Variants in DSCAM observed in about 807,000 individuals in gnomAD.
DSCAM encodes DS cell adhesion molecule.
DSCAM carries 47 observed loss-of-function variants against 217.7 expected under a neutral mutation model. That is an observed-to-expected ratio of 0.22 (90% confidence interval 0.17 to 0.28). The LOEUF (loss-of-function observed/expected upper bound fraction) is 0.28. Among genes scored for constraint, DSCAM ranks in the 10% least tolerant of loss-of-function variants. DSCAM has a pLI of 1.00. For missense variants in DSCAM, 2,080 were observed against 2,618.3 expected (o/e 0.79, Z 4.49); for synonymous variants, 1,056 against 1,015.3 (o/e 1.04, Z -0.76).
At chr21:40,221,362 TATA>T (rs753439425) in intron 11 of DSCAM, among the ~76,000 whole-genome samples, 1 of 150,664 alleles carries the variant, frequency 6.6e-6, no homozygotes, top group African/African-American at 2.4e-5. Flanking sequence ...TATTTATATG[TATA>T]ATAATGTGTA....
At chr21:40,803,406 A>T (rs1205600617) in intron 1 of DSCAM, among the ~76,000 whole-genome samples, 1 of 152,182 alleles carries the variant, frequency 6.6e-6, no homozygotes, top group African/African-American at 2.4e-5. Flanking sequence ...GGGAAGGACC[A>T]CTAAAGCCAC....
chr21:40,241,501 T>C lies in DSCAM; in HGVS notation c.2356+34596A>G, dbSNP rs186616245. 3.3e-3 allele frequency among the ~76,000 whole-genome samples: 506 copies of C among 152,160 alleles called. 1 individual carries two copies. The highest frequency in any genetic ancestry group is 0.011 in the African/African-American group (467 of 41,514). ...GTCTAAAAAAAATAACAGGTGCCGG[T>C]AAGGTTGCAGAGAAAACTGAACATT... is the stretch of plus-strand genomic sequence containing the variant. On this transcript the variant is annotated intron_variant, in intron 11 of 32. Transcript: ENST00000400454.
intron 3 of DSCAM, among the ~76,000 whole-genome samples, chr21:40,491,132 A>C (rs1054463848): frequency 1.3e-5 from 2 of 152,206 alleles, no homozygotes; most frequent in East Asian, 1.9e-4. Context: ...AGAGTCTAAA[A>C]TTAATTTAAT....
chr21:40,574,973 T>A (rs1215558896), intron 3 of DSCAM, among the ~76,000 whole-genome samples: 3 of 152,142 alleles, frequency 2.0e-5, no homozygotes, highest in Non-Finnish European at 4.4e-5. Flanking sequence ...TTGTCAGGCC[T>A]CTGAGCCCAA....
At chr21:40,733,164 A>C (rs1028848152) in intron 1 of DSCAM, among the ~76,000 whole-genome samples, 1 of 152,158 alleles carries the variant, frequency 6.6e-6, no homozygotes, top group East Asian at 1.9e-4. Flanking sequence ...TAGTTGCTGC[A>C]CTCGTAAATA....
At chr21:40,044,034 C>A in intron 31 of DSCAM, 44 bp downstream of exon 31, 1 of 1,604,918 alleles carries the variant, frequency 6.2e-7, no homozygotes. Context: ...GGTGCGGGGG[C>A]CGTGCTGGTC....
chr21:40,269,236 G>C lies in DSCAM; in HGVS notation c.2356+6861C>G, dbSNP rs982587506. Among the ~76,000 whole-genome samples, 3 of 152,188 alleles carry C rather than the reference G, an allele frequency of 2.0e-5. No individual in the cohort carries two copies. In the South Asian group the frequency reaches 6.2e-4, roughly 32 times the overall value. On this transcript the variant is annotated intron_variant, in intron 11 of 32. Coordinates refer to ENST00000400454, the MANE Select transcript of DSCAM (RefSeq NM_001389.5). The stretch of plus-strand genomic sequence containing the variant: ...CTCATGTACTGCCAGACATCATGGG[G>C]TCAAGAATTAAATGGGATAAACCTC...
At chr21:40,545,827 T>A (rs2076578096) in intron 3 of DSCAM, among the ~76,000 whole-genome samples, 1 of 152,162 alleles carries the variant, frequency 6.6e-6, no homozygotes, top group Non-Finnish European at 1.5e-5. Context: ...AGCCCCCTTG[T>A]GTGTAGCCCA....
At chr21:40,723,385 A>G (rs1372845033) in intron 1 of DSCAM, among the ~76,000 whole-genome samples, 1 of 152,094 alleles carries the variant, frequency 6.6e-6, no homozygotes, top group East Asian at 1.9e-4. Flanking sequence ...GCTAAACACC[A>G]ATTCCTTAGA....
chr21:40,295,991 T>A, intron 10 of DSCAM, 64 bp downstream of exon 10: 1 of 1,545,508 alleles, frequency 6.5e-7, no homozygotes, highest in South Asian at 1.2e-5. Context: ...TAGAAATGCT[T>A]ATCTAATCCT....
At chr21:40,234,782 T>C (rs777914616) in intron 11 of DSCAM, among the ~76,000 whole-genome samples, 1 of 152,206 alleles carries the variant, frequency 6.6e-6, no homozygotes, top group Non-Finnish European at 1.5e-5. Flanking sequence ...TAGAACTTCA[T>C]GTACCCTGAA....
intron 3 of DSCAM, among the ~76,000 whole-genome samples, chr21:40,514,494 A>AT (rs2076284505): frequency 6.6e-6 from 1 of 151,668 alleles, no homozygotes; most frequent in African/African-American, 2.4e-5. Context: ...TAAACCCTGT[A>AT]TTTTTGGTTG....
At chr21:40,682,585 AAGAGAG>A (rs1555880003) in intron 3 of DSCAM, among the ~76,000 whole-genome samples, 2 of 98,320 alleles carry the variant, frequency 2.0e-5, no homozygotes, top group African/African-American at 8.2e-5. Flanking sequence ...AGAAGAGAGA[AAGAGAG>A]AGAGAAAGAG....
At chr21:40,432,020 T>C (rs1225990578) in intron 3 of DSCAM, among the ~76,000 whole-genome samples, 1 of 152,016 alleles carries the variant, frequency 6.6e-6, no homozygotes, top group Non-Finnish European at 1.5e-5. Context: ...GCCAACATAG[T>C]GAAACCCCGG....
intron 11 of DSCAM, among the ~76,000 whole-genome samples, chr21:40,270,762 C>T (rs575058985): frequency 2.3e-4 from 35 of 151,626 alleles, no homozygotes; most frequent in South Asian, 1.3e-3. Flanking sequence ...GCTTGGGGGC[C>T]GCTTGGGGGC....
At chr21:40,845,116 C>T (rs1473945656) in intron 1 of DSCAM, among the ~76,000 whole-genome samples, 1 of 152,170 alleles carries the variant, frequency 6.6e-6, no homozygotes, top group African/African-American at 2.4e-5. Context: ...GGGAAATTCC[C>T]AGGAGGACAC....
intron 11 of DSCAM, among the ~76,000 whole-genome samples, chr21:40,238,929 G>A (rs2073112928): frequency 6.6e-6 from 1 of 152,138 alleles, no homozygotes; most frequent in Admixed American, 6.5e-5. Flanking sequence ...CTCTTTGCTT[G>A]AGAGGCAGCG....
chr21:40,596,123 G>A (rs934259632), intron 3 of DSCAM, among the ~76,000 whole-genome samples: 1 of 152,228 alleles, frequency 6.6e-6, no homozygotes, highest in Non-Finnish European at 1.5e-5. Flanking sequence ...AATGGCACAT[G>A]AGCTTGTAGC....
chr21:40,795,554 C>A (rs576421545), intron 1 of DSCAM, among the ~76,000 whole-genome samples: 2 of 152,310 alleles, frequency 1.3e-5, no homozygotes, highest in African/African-American at 4.8e-5. Context: ...TACTCACAAA[C>A]TTTCATTAAA....
Sources: allele counts gnomAD v4.1 joint callset (sites outside exome capture counted in the v4.1 genomes callset), GRCh38; gene constraint gnomAD v4.1.1; transcripts MANE v1.5; gene names NCBI Gene and HGNC (gene_info 2026-07-23, HGNC 2026-07-21).